Variants in PHACTR3 observed in about 807,000 individuals in gnomAD.
The protein encoded by PHACTR3 is phosphatase and actin regulator 3, also known as protein phosphatase 1, regulatory subunit 123.
PHACTR3 carries 16 observed loss-of-function variants against 66.8 expected under a neutral mutation model. That is an observed-to-expected ratio of 0.24 (90% CI 0.16 to 0.36). The LOEUF (loss-of-function observed/expected upper bound fraction) is 0.36, where lower values mean the gene tolerates loss of function less well. Ranked by LOEUF, PHACTR3 falls within the 10% of genes least tolerant of loss-of-function variation. The pLI is 1.00. For missense variants in PHACTR3, 647 were observed against 719.9 expected, an observed-to-expected ratio of 0.90 and a Z score of 1.16; for synonymous variants, 323 against 292.1, an observed-to-expected ratio of 1.11 and a Z score of -1.08.
intron 1 of PHACTR3, among the ~76,000 whole-genome samples, chr20:59,657,048 AAAT>A (rs1256126573): frequency 6.6e-6 from 1 of 152,052 alleles, no homozygotes; most frequent in Non-Finnish European, 1.5e-5. Flanking sequence ...GAAGCTGAGA[AAAT>A]AAAGAGCAAG....
chr20:59,686,880 G>A (rs1884073246), intron 1 of PHACTR3, among the ~76,000 whole-genome samples: 4 of 150,772 alleles, frequency 2.7e-5, no homozygotes, highest in Admixed American at 2.6e-4. Context: ...TTGTGATGAT[G>A]GTGGTGATTG....
rs552603487 is a variant in PHACTR3, at chr20:59,776,184, C to CG, written c.1174+1697dup. ...AATGTCAGCAGCCAGGGCCCCTTACCGGGTGTTTCTTGTGTCCGGGATGCT... is the reference window on the plus strand; with the variant it reads ...AATGTCAGCAGCCAGGGCCCCTTACCGGGGTGTTTCTTGTGTCCGGGATGCT... On this transcript the variant is annotated intron_variant, in intron 7 of 12. Coordinates refer to ENST00000371015, the MANE Select transcript of PHACTR3 (RefSeq NM_080672.5). Among the ~76,000 whole-genome samples, 691 of 152,138 alleles carry CG rather than the reference C, an allele frequency of 4.5e-3. 3 individuals carry two copies. Among genetic ancestry groups the CG allele is most frequent in the African/African-American group, 0.016 (653 of 41,480 alleles).
intron 8 of PHACTR3, among the ~76,000 whole-genome samples, chr20:59,810,745 A>G (rs1182530): frequency 0.46 from 69,752 of 152,008 alleles, 17,184 homozygotes; most frequent in African/African-American, 0.65. Context: ...TGGGACCCCC[A>G]GGAAAGTCAG....
chr20:59,783,217 C>G (rs2040787384), intron 7 of PHACTR3, among the ~76,000 whole-genome samples: 1 of 152,172 alleles, frequency 6.6e-6, no homozygotes. Flanking sequence ...GGAAACCCAG[C>G]CACTCCCTGC....
At chr20:59,692,354 C>T (rs146604776) in intron 1 of PHACTR3, among the ~76,000 whole-genome samples, 2 of 152,348 alleles carry the variant, frequency 1.3e-5, no homozygotes, top group Non-Finnish European at 2.9e-5. Flanking sequence ...TGTTTGTACT[C>T]ACTTTGAGTA....
intron 1 of PHACTR3, among the ~76,000 whole-genome samples, chr20:59,591,083 A>G (rs1568920176): frequency 6.6e-6 from 1 of 152,240 alleles, no homozygotes; most frequent in Non-Finnish European, 1.5e-5. Context: ...GGCTTCCATG[A>G]TGGGCAGTGC....
intron 7 of PHACTR3, among the ~76,000 whole-genome samples, chr20:59,792,671 T>C (rs1040725263): frequency 6.6e-6 from 1 of 152,184 alleles, no homozygotes; most frequent in Non-Finnish European, 1.5e-5. Context: ...TAATTAATGA[T>C]GTTGAGCATT....
At chr20:59,677,855 T>C (rs1219869926) in intron 1 of PHACTR3, among the ~76,000 whole-genome samples, 1 of 151,836 alleles carries the variant, frequency 6.6e-6, no homozygotes, top group Non-Finnish European at 1.5e-5. Flanking sequence ...TGAGGTTCAT[T>C]CAGAAATAAT....
At chr20:59,648,972 G>T (rs1186761880) in intron 1 of PHACTR3, among the ~76,000 whole-genome samples, 2 of 152,312 alleles carry the variant, frequency 1.3e-5, no homozygotes, top group Admixed American at 1.3e-4. Context: ...ACATGATGAG[G>T]CTGGGAATAT....
At chr20:59,584,718 C>T (rs1386788291) in intron 1 of PHACTR3, among the ~76,000 whole-genome samples, 3 of 152,180 alleles carry the variant, frequency 2.0e-5, no homozygotes, top group Non-Finnish European at 4.4e-5. Context: ...CCCCGGCCTT[C>T]ACCCGTGCTG....
At chr20:59,825,403 GTCACTTGTTCATTCAT>G (rs2042159422) in intron 8 of PHACTR3, among the ~76,000 whole-genome samples, 2 of 152,194 alleles carry the variant, frequency 1.3e-5, no homozygotes, top group African/African-American at 2.4e-5. Context: ...CATTCATTCA[GTCACTTGTTCATTCAT>G]TCACTCGTTC....
intron 7 of PHACTR3, among the ~76,000 whole-genome samples, chr20:59,789,948 G>A (rs1176602553): frequency 1.3e-5 from 2 of 152,326 alleles, no homozygotes; most frequent in East Asian, 1.9e-4. Context: ...CATTAGCAAC[G>A]TGGAGACATA....
chr20:59,698,538 G>A lies in PHACTR3; in HGVS notation c.119-44569G>A, dbSNP rs1312364506. On this transcript the variant is annotated intron_variant, in intron 1 of 12. Transcript: ENST00000371015. ...TAGCTTCAATACCCTCCAGTTTTGTGCATTTGATATATGATTCCTTGTGCT... is the reference window on the plus strand; with the variant it reads ...TAGCTTCAATACCCTCCAGTTTTGTACATTTGATATATGATTCCTTGTGCT... Among the ~76,000 whole-genome samples, 10 of 152,104 alleles carry A rather than the reference G, an allele frequency of 6.6e-5. No individual in the cohort carries two copies. In the East Asian group the frequency reaches 1.9e-3, roughly 29 times the overall value.
chr20:59,844,123 TATC>T (rs1446363436), intron 11 of PHACTR3: 1 of 152,098 alleles, frequency 6.6e-6, no homozygotes, highest in Non-Finnish European at 1.5e-5. Context: ...CACGATGAGA[TATC>T]ATCTTATTCC....
At chr20:59,727,045 C>A (rs1463631402) in intron 1 of PHACTR3, among the ~76,000 whole-genome samples, 1 of 152,154 alleles carries the variant, frequency 6.6e-6, no homozygotes, top group Admixed American at 6.5e-5. Flanking sequence ...AATTCCAGAA[C>A]CTTTCATCAC....
intron 7 of PHACTR3, among the ~76,000 whole-genome samples, chr20:59,776,750 C>T (rs139266177): frequency 1.9e-3 from 286 of 152,278 alleles, no homozygotes; most frequent in African/African-American, 6.5e-3. Context: ...TCTGTGGCAG[C>T]GTGGTTGAGC....
At chr20:59,623,782 C>T (rs556846056) in intron 1 of PHACTR3, among the ~76,000 whole-genome samples, 9 of 152,080 alleles carry the variant, frequency 5.9e-5, no homozygotes, top group South Asian at 2.1e-4. Flanking sequence ...ACGGCTGGTG[C>T]GTGGGGATGG....
chr20:59,586,768 T>C (rs1047974623), intron 1 of PHACTR3, among the ~76,000 whole-genome samples: 6 of 151,746 alleles, frequency 4.0e-5, no homozygotes, highest in Admixed American at 2.0e-4. Flanking sequence ...TCAGTCCTGC[T>C]CACTCATCTA....
At chr20:59,704,282 G>C (rs981928830) in intron 1 of PHACTR3, among the ~76,000 whole-genome samples, 2 of 152,074 alleles carry the variant, frequency 1.3e-5, no homozygotes, top group Admixed American at 6.6e-5. Context: ...GTAGCATTCT[G>C]ATTTTGCTAT....
Sources: gnomAD v4.1 joint callset for allele counts (sites outside exome capture counted in the v4.1 genomes callset) on GRCh38, gnomAD v4.1.1 for gene constraint, MANE v1.5 for transcripts, NCBI Gene and HGNC (gene_info 2026-07-23, HGNC 2026-07-21) for gene names.